PLCL2: variants seen among roughly 807,000 people sequenced by gnomAD.
PLCL2 encodes inactive phospholipase C-like protein 2.
A neutral mutation model predicts 79.6 loss-of-function variants in PLCL2; 4 were observed. That is an observed-to-expected ratio of 0.05 (90% CI 0.02 to 0.11). PLCL2 has a LOEUF of 0.11. PLCL2 is among the 10% of genes least tolerant of loss of function. The pLI, the probability that PLCL2 is intolerant of heterozygous loss-of-function variation, is 1.00. For synonymous variants in PLCL2, 484 were observed against 457.7 expected, an observed-to-expected ratio of 1.06 and a Z score of -0.73; for missense variants, 895 against 1,291.0, an observed-to-expected ratio of 0.69 and a Z score of 4.70.
chr3:16,971,262 G>T, intron 1 of PLCL2, among the ~76,000 whole-genome samples: 1 of 152,020 alleles, frequency 6.6e-6, no homozygotes, highest in Non-Finnish European at 1.5e-5. Flanking sequence ...AAGGGATCCA[G>T]TTTCAGCTTT....
chr3:16,962,168 A>C (rs190800265), intron 1 of PLCL2, among the ~76,000 whole-genome samples: 1 of 152,250 alleles, frequency 6.6e-6, no homozygotes, highest in South Asian at 2.1e-4. Flanking sequence ...AGGAATAGAC[A>C]GTTGAAAGAA....
At chr3:17,062,523 G>A (rs2064962739) in intron 4 of PLCL2, among the ~76,000 whole-genome samples, 1 of 152,152 alleles carries the variant, frequency 6.6e-6, no homozygotes. Context: ...TTTAATAGCT[G>A]CCCCAAAGTG....
At chr3:16,904,171 C>T (rs1159462743) in intron 1 of PLCL2, among the ~76,000 whole-genome samples, 1 of 152,098 alleles carries the variant, frequency 6.6e-6, no homozygotes, top group African/African-American at 2.4e-5. Context: ...CTTTCTACAT[C>T]CCTGCTTAGT....
chr3:17,047,833 A>C (rs563598703), intron 4 of PLCL2, among the ~76,000 whole-genome samples: 1 of 152,282 alleles, frequency 6.6e-6, no homozygotes, highest in East Asian at 1.9e-4. Flanking sequence ...GTTAATAGTT[A>C]AATTCCATCT....
chr3:16,996,871 T>G (rs761967109), intron 1 of PLCL2, among the ~76,000 whole-genome samples: 1 of 152,168 alleles, frequency 6.6e-6, no homozygotes, highest in Non-Finnish European at 1.5e-5. Context: ...TTGAAAAATC[T>G]TAAAATTTAA....
At chr3:17,083,019 T>C (rs1407588751) in intron 5 of PLCL2, among the ~76,000 whole-genome samples, 1 of 152,168 alleles carries the variant, frequency 6.6e-6, no homozygotes, top group Non-Finnish European at 1.5e-5. Flanking sequence ...ACTCTGTACC[T>C]GGCACTGTTC....
At chr3:16,903,245 G>C (rs1232588614) in intron 1 of PLCL2, among the ~76,000 whole-genome samples, 7 of 151,986 alleles carry the variant, frequency 4.6e-5, no homozygotes, top group Admixed American at 3.9e-4. Flanking sequence ...TTTTCCCATT[G>C]ACTTTTCTTG....
At chr3:16,911,736 C>G (rs1696886520) in intron 1 of PLCL2, among the ~76,000 whole-genome samples, 1 of 152,144 alleles carries the variant, frequency 6.6e-6, no homozygotes, top group African/African-American at 2.4e-5. Context: ...ATGCAAAATA[C>G]AAATGATCAT....
chr3:16,980,737 G>C (rs1017306761), intron 1 of PLCL2, among the ~76,000 whole-genome samples: 1 of 152,198 alleles, frequency 6.6e-6, no homozygotes, highest in Non-Finnish European at 1.5e-5. Flanking sequence ...ACGGGGTGGC[G>C]GCCGGGCAGA....
intron 1 of PLCL2, among the ~76,000 whole-genome samples, chr3:16,956,948 C>T (rs1254906107): frequency 2.6e-5 from 4 of 152,214 alleles, no homozygotes; most frequent in Non-Finnish European, 5.9e-5. Flanking sequence ...TGCTAGCAGT[C>T]TATCAATTTT....
At chr3:16,956,464 C>T (rs1361825691) in intron 1 of PLCL2, among the ~76,000 whole-genome samples, 1 of 152,144 alleles carries the variant, frequency 6.6e-6, no homozygotes, top group Non-Finnish European at 1.5e-5. Flanking sequence ...CATCAATGTT[C>T]ATCAAGGATA....
intron 1 of PLCL2, among the ~76,000 whole-genome samples, chr3:16,885,673 G>A (rs1251247954): frequency 6.6e-6 from 1 of 152,206 alleles, no homozygotes; most frequent in African/African-American, 2.4e-5. Flanking sequence ...CTTATGTGTA[G>A]CCTAGTCTGG....
At chr3:16,954,650 A>G (rs565236424) in intron 1 of PLCL2, among the ~76,000 whole-genome samples, 2 of 152,230 alleles carry the variant, frequency 1.3e-5, no homozygotes, top group East Asian at 3.9e-4. Flanking sequence ...CCAACAGTGT[A>G]AAAGTGTTCC....
At chr3:17,060,022 G>T (rs2064933122) in intron 4 of PLCL2, among the ~76,000 whole-genome samples, 1 of 152,018 alleles carries the variant, frequency 6.6e-6, no homozygotes, top group African/African-American at 2.4e-5. Context: ...ACTCCTCTGT[G>T]CATGACTGTG....
intron 1 of PLCL2, among the ~76,000 whole-genome samples, chr3:16,896,298 G>C (rs1696478162): frequency 6.6e-6 from 1 of 152,128 alleles, no homozygotes; most frequent in African/African-American, 2.4e-5. Context: ...TTGATGGCCT[G>C]GAGAGGGGGT....
intron 1 of PLCL2, among the ~76,000 whole-genome samples, chr3:16,977,124 A>G (rs1483860015): frequency 6.6e-6 from 1 of 152,190 alleles, no homozygotes; most frequent in Non-Finnish European, 1.5e-5. Flanking sequence ...GCACACACAC[A>G]CACACACAAT....
intron 1 of PLCL2, among the ~76,000 whole-genome samples, chr3:16,915,411 G>T (rs1696970397): frequency 6.6e-6 from 1 of 152,134 alleles, no homozygotes; most frequent in African/African-American, 2.4e-5. Context: ...AATAGAAAAA[G>T]CTGGCATATA....
chr3:16,952,073 T>C (rs2124960090), intron 1 of PLCL2, among the ~76,000 whole-genome samples: 1 of 151,954 alleles, frequency 6.6e-6, no homozygotes, highest in Admixed American at 6.6e-5. Context: ...ATATCATCCA[T>C]TCATTTAAAG....
intron 1 of PLCL2, among the ~76,000 whole-genome samples, chr3:16,916,221 A>G (rs1368564729): frequency 6.6e-6 from 1 of 152,184 alleles, no homozygotes; most frequent in Non-Finnish European, 1.5e-5. Flanking sequence ...ATATAAGACT[A>G]TTCAGCCCCT....
Sources: allele counts gnomAD v4.1 joint callset (sites outside exome capture counted in the v4.1 genomes callset), GRCh38; gene constraint gnomAD v4.1.1; transcripts MANE v1.5; gene names NCBI Gene and HGNC (gene_info 2026-07-23, HGNC 2026-07-21).